ZNF358: variants seen among roughly 807,000 people sequenced by gnomAD.
ZNF358 encodes the protein zinc finger protein 358.
A neutral mutation model predicts 2.1 loss-of-function variants in ZNF358; 1 was observed. The observed-to-expected ratio is 0.49, with a 90% confidence interval of 0.17 to 2.30. The LOEUF (loss-of-function observed/expected upper bound fraction) is 2.30, where lower values mean the gene tolerates loss of function less well. ZNF358 is among the 30% of genes most tolerant of loss of function. The pLI, the probability that ZNF358 is intolerant of heterozygous loss-of-function variation, is 0.26. For synonymous variants in ZNF358, 381 were observed against 359.7 expected, an observed-to-expected ratio of 1.06 and a Z score of -0.67; for missense variants, 665 against 806.8, an observed-to-expected ratio of 0.82 and a Z score of 2.13.
chr19:7,518,789 G>A lies in ZNF358; in HGVS notation c.-38-416G>A, dbSNP rs553434547. 8.5e-5 allele frequency among the ~76,000 whole-genome samples: 13 copies of A among 152,110 alleles called. No individual in the cohort carries two copies. In the East Asian group the frequency reaches 2.5e-3, roughly 30 times the overall value. ...AATAAAAATAAAGAAGTGGGGCTGGGCGCGGTGGCTCACGCCTGTAATCCC... is the reference window on the plus strand; with the variant it reads ...AATAAAAATAAAGAAGTGGGGCTGGACGCGGTGGCTCACGCCTGTAATCCC... On this transcript the variant is annotated intron_variant, in intron 1 of 1. Coordinates refer to ENST00000597229, the MANE Select transcript of ZNF358 (RefSeq NM_018083.5).
rs116747999 is a variant in ZNF358 at position 7,516,486 on chromosome 19, C to T, written c.-39+237C>T. On this transcript the variant is annotated intron_variant, in intron 1 of 1. Transcript: ENST00000597229. The surrounding 1 kb of genome is among the most constrained non-coding windows in gnomAD (Gnocchi z 5.9). The stretch of plus-strand genomic sequence containing the variant: ...CCGCTGGGGCCCGGGGGGAAAGGGC[C>T]AGGAGGTTGGGAGCCTTCAATCGGG... Among the ~76,000 whole-genome samples, 2,373 of 151,518 alleles carry T rather than the reference C, an allele frequency of 0.016. 69 individuals carry two copies. Among genetic ancestry groups the T allele is most frequent in the African/African-American group, 0.055 (2,255 of 41,318 alleles).
chr19:7,517,482 T>C (rs1041755567), intron 1 of ZNF358, among the ~76,000 whole-genome samples: 21 of 152,098 alleles, frequency 1.4e-4, no homozygotes, highest in Admixed American at 2.6e-4. Context: ...CACCATACTT[T>C]GGGAGGCTGA....
In ZNF358 at chr19:7,520,393, T is replaced by C. The variant is rs2022447944; in HGVS notation, c.1151T>C (p.Phe384Ser). Residue 384 changes from phenylalanine (F) to serine (S), a missense_variant, in exon 2 of 2, where the codon TTC becomes TCC. Transcript: ENST00000597229. The surrounding 1 kb of genome is among the most constrained non-coding windows in gnomAD (Gnocchi z 6.0). ...PYRCQLCGKA[F>S]GQASSLTKHK... ...CGCTGTCAGCTCTGCGGGAAGGCCT[T>C]CGGCCAGGCCTCCAGCCTCACCAAG... 1 of 1,608,784 alleles carries C rather than the reference T, an allele frequency of 6.2e-7. No homozygotes were observed. The highest frequency in any genetic ancestry group is 1.7e-5 in the Admixed American group (1 of 59,766).
chr19:7,515,663 C>CAGAG (rs146799951), upstream of ZNF358, among the ~76,000 whole-genome samples: 3 of 151,404 alleles, frequency 2.0e-5, no homozygotes, highest in East Asian at 5.8e-4. Flanking sequence ...GAGGCAGAGA[C>CAGAG]AGAGAGAGAG....
At position 7,516,838 on chromosome 19, in the gene ZNF358, C is replaced by T. The variant is rs771543672; in HGVS notation, c.-39+589C>T. Among the ~76,000 whole-genome samples, 1 of 152,092 alleles carries T rather than the reference C, an allele frequency of 6.6e-6. No homozygotes were observed. Among genetic ancestry groups the T allele is most frequent in the South Asian group, 2.1e-4 (1 of 4,832 alleles). On this transcript the variant is annotated intron_variant, in intron 1 of 1. Coordinates refer to ENST00000597229, the MANE Select transcript of ZNF358 (RefSeq NM_018083.5). The surrounding 1 kb of genome is among the most constrained non-coding windows in gnomAD (Gnocchi z 5.9). The stretch of plus-strand genomic sequence containing the variant: ...AGGAAAGACTTAAGTGATTTCTCCT[C>T]CCACCTTCCAGTTAAGAGATGGGAA...
rs1033266340 is a variant in ZNF358 at position 7,516,894 on chromosome 19, T to C, written c.-39+645T>C. On this transcript the variant is annotated intron_variant, in intron 1 of 1. Transcript: ENST00000597229. This position sits in a 1 kb window ranked among gnomAD's most constrained non-coding sequence, Gnocchi z 5.9. ...GGGGCTCCTTCCCCTGGAGGCAATC[T>C]AAGGGTTCCTCTGCCCCTGATGCAG... 2.4e-4 allele frequency among the ~76,000 whole-genome samples: 37 copies of C among 152,088 alleles called. No individual in the cohort carries two copies. Among genetic ancestry groups the C allele is most frequent in the African/African-American group, 7.7e-4 (32 of 41,420 alleles).
chr19:7,518,137 G>C (rs1027995128), intron 1 of ZNF358, among the ~76,000 whole-genome samples: 7 of 152,204 alleles, frequency 4.6e-5, no homozygotes, highest in Non-Finnish European at 8.8e-5. Flanking sequence ...CAGAGCCATG[G>C]AGTTGGGGAC....
Position 7,520,539 on chromosome 19 carries a change from G to A in ZNF358, c.1297G>A (p.Gly433Arg), listed in dbSNP as rs2022459081. ...GLSPASMMRP[G>R]QVSLLGPDAV... is the part of the protein sequence containing the mutation. ...AAGCCCTGCATCCATGATGAGGCCG[G>A]GGCAGGTCTCCCTCCTGGGTCCTGA... The change falls in exon 2 of 2, where the codon GGG becomes AGG. Residue 433 changes from glycine (G) to arginine (R), a missense_variant. This residue lies in a region of ZNF358 where 249 missense variants were observed against 227.6 expected (regional missense o/e 1.09). Transcript: ENST00000597229. This position sits in a 1 kb window ranked among gnomAD's most constrained non-coding sequence, Gnocchi z 6.0. 7.9e-7 allele frequency: 1 copy of A among 1,258,562 alleles called. No homozygotes were observed. The highest frequency in any genetic ancestry group is 1.1e-6 in the Non-Finnish European group (1 of 880,872). The allele number at this position is 1,258,562 out of a possible 1,614,324, so 78.0% of individuals were successfully genotyped here. A position where few individuals can be genotyped will look rare whatever the true frequency, so the allele number is the denominator to read the frequency against.
At position 7,516,980 on chromosome 19, in the gene ZNF358, C is replaced by T. The variant is rs1215395220; in HGVS notation, c.-39+731C>T. On this transcript the variant is annotated intron_variant, in intron 1 of 1. Coordinates refer to ENST00000597229, the MANE Select transcript of ZNF358 (RefSeq NM_018083.5). This position sits in a 1 kb window ranked among gnomAD's most constrained non-coding sequence, Gnocchi z 5.9. ...CTATGGGGTCTGGGTTGAGGACCGC[C>T]GTCCAGGAACTCGGCTCTGTTTGCC... 6.6e-6 allele frequency among the ~76,000 whole-genome samples: 1 copy of T among 152,140 alleles called. No individual in the cohort carries two copies. Among genetic ancestry groups the T allele is most frequent in the Non-Finnish European group, 1.5e-5 (1 of 68,018 alleles).
intron 1 of ZNF358, among the ~76,000 whole-genome samples, chr19:7,518,557 G>GAGAGAGAGAGAAAGAAAGAA (rs556101041): frequency 3.4e-5 from 4 of 116,172 alleles, no homozygotes; most frequent in African/African-American, 1.5e-4. Flanking sequence ...GAGAGAGAGA[G>GAGAGAGAGAGAAAGAAAGAA]AGAAAGAAAG....
In ZNF358 at chr19:7,520,368, C is replaced by G. The variant is rs761933013; in HGVS notation, c.1126C>G (p.Arg376Gly). 3.1e-6 allele frequency: 5 copies of G among 1,612,306 alleles called. No homozygotes were observed. The highest frequency in any genetic ancestry group is 4.2e-6 in the Non-Finnish European group (5 of 1,179,608). The change falls in exon 2 of 2, where the codon CGC becomes GGC. Residue 376 changes from arginine (R) to glycine (G), a missense_variant. By Grantham distance (125) the Arg-to-Gly change is moderately radical. Transcript: ENST00000597229. This position sits in a 1 kb window ranked among gnomAD's most constrained non-coding sequence, Gnocchi z 6.0. ...CGTGCATTCGGGCGAGCGTCCCTAT[C>G]GCTGTCAGCTCTGCGGGAAGGCCTT... ...LHVHSGERPY[R>G]CQLCGKAFGQ...
chr19:7,520,862 T>A lies in ZNF358; in HGVS notation c.1620T>A (p.Thr540=), dbSNP rs1446473152. The change falls in exon 2 of 2, where the codon ACT becomes ACA. Residue 540 remains threonine (T), a synonymous_variant. Transcript: ENST00000597229. The surrounding 1 kb of genome is among the most constrained non-coding windows in gnomAD (Gnocchi z 6.0). The part of the protein sequence containing the change: ...PVSCPDPCSP[T]RGTVSPALPT... Reference sequence around the variant, plus strand: ...CCTGCCCTGACCCCTGTTCTCCCACTCGTGGCACTGTCAGCCCAGCCCTCC... The same window carrying A: ...CCTGCCCTGACCCCTGTTCTCCCACACGTGGCACTGTCAGCCCAGCCCTCC... 1 of 1,613,948 alleles carries A rather than the reference T, an allele frequency of 6.2e-7. No homozygotes were observed. Among genetic ancestry groups the A allele is most frequent in the South Asian group, 1.1e-5 (1 of 91,062 alleles).
chr19:7,519,501 C>A lies in ZNF358; in HGVS notation c.259C>A (p.Pro87Thr). 1 of 1,613,034 alleles carries A rather than the reference C, an allele frequency of 6.2e-7. No individual in the cohort carries two copies. Among genetic ancestry groups the A allele is most frequent in the Non-Finnish European group, 8.5e-7 (1 of 1,179,994 alleles). ...GGGCTCGGAACCCCAAGATCCCGACCCCATGTCTTCGAGTTTCGACCTCGA... is the reference window on the plus strand; with the variant it reads ...GGGCTCGGAACCCCAAGATCCCGACACCATGTCTTCGAGTTTCGACCTCGA... ...APGSEPQDPD[P>T]MSSSFDLDPD... The change falls in exon 2 of 2, where the codon CCC becomes ACC. Residue 87 changes from proline to threonine, a missense_variant. Coordinates refer to ENST00000597229, the MANE Select transcript of ZNF358 (RefSeq NM_018083.5).
At position 7,519,224 on chromosome 19, in the gene ZNF358, G is replaced by C; in HGVS notation, c.-19G>C. ...TTGCAGGTCTTGCCCCAGAAGCTGC[G>C]GGCACATCCACGCCTGAAATGCGGC... On this transcript the variant is annotated 5_prime_UTR_variant, in exon 2 of 2. Coordinates refer to ENST00000597229, the MANE Select transcript of ZNF358 (RefSeq NM_018083.5). The C allele has an allele frequency of 6.2e-7, 1 of 1,607,214 alleles. No homozygotes were observed. The highest frequency in any genetic ancestry group is 8.5e-7 in the Non-Finnish European group (1 of 1,176,640).
At chr19:7,518,052 G>C (rs749776354) in intron 1 of ZNF358, among the ~76,000 whole-genome samples, 18 of 152,324 alleles carry the variant, frequency 1.2e-4, no homozygotes, top group African/African-American at 4.3e-4. Flanking sequence ...GCCCAGCAAG[G>C]GGGTAGGAAG....
Position 7,516,556 on chromosome 19 carries a change from CGCCCCCTCCCTAGGAGGCGATCCAGG to C in ZNF358, c.-39+308_-39+333del, listed in dbSNP as rs1363363917. 6.6e-6 allele frequency among the ~76,000 whole-genome samples: 1 copy of C among 151,812 alleles called. No individual in the cohort carries two copies. Among genetic ancestry groups the C allele is most frequent in the Non-Finnish European group, 1.5e-5 (1 of 67,840 alleles). On this transcript the variant is annotated intron_variant, in intron 1 of 1. Coordinates refer to ENST00000597229, the MANE Select transcript of ZNF358 (RefSeq NM_018083.5). The surrounding 1 kb of genome is among the most constrained non-coding windows in gnomAD (Gnocchi z 5.9). ...CAGCTCTGGGGTCTGGAGCTCAGGA[CGCCCCCTCCCTAGGAGGCGATCCAGG>C]ACCCCCTCCCCTCCTGATTCGAGGT...
intron 1 of ZNF358, 116 bp from the exon 2 acceptor site, chr19:7,519,089 A>G (rs1023145147): frequency 9.2e-7 from 1 of 1,083,670 alleles, no homozygotes; most frequent in Non-Finnish European, 1.2e-6. Flanking sequence ...AAAAAAAAAG[A>G]AGTGGGTTCT....
In ZNF358 at chr19:7,519,518, C is replaced by T. The variant is rs751108492; in HGVS notation, c.276C>T (p.Phe92=). 20 of 1,610,970 alleles carry T rather than the reference C, an allele frequency of 1.2e-5. No individual in the cohort carries two copies. Among genetic ancestry groups the T allele is most frequent in the East Asian group, 6.7e-5 (3 of 44,870 alleles). The stretch of plus-strand genomic sequence containing the variant: ...ATCCCGACCCCATGTCTTCGAGTTT[C>T]GACCTCGATCCAGATGTGATTGGCC... ...PQDPDPMSSS[F]DLDPDVIGPV... Residue 92 remains phenylalanine (F), a synonymous_variant, in exon 2 of 2, where the codon TTC becomes TTT. Transcript: ENST00000597229.
chr19:7,520,698 C>A lies in ZNF358; in HGVS notation c.1456C>A (p.Pro486Thr), dbSNP rs2022467346. The A allele has an allele frequency of 1.2e-6, 2 of 1,613,748 alleles. No individual in the cohort carries two copies. The highest frequency in any genetic ancestry group is 3.3e-5 in the Admixed American group (2 of 60,002). The part of the protein sequence containing the change: ...SKPLPGSRST[P>T]SPTPVESSDP... The stretch of plus-strand genomic sequence containing the variant: ...ACCCCTCCCCGGCTCCAGATCCACC[C>A]CCAGCCCTACTCCTGTGGAATCTTC... The change falls in exon 2 of 2, where the codon CCC becomes ACC. Residue 486 changes from proline (P) to threonine (T), a missense_variant. Pro to Thr is a conservative substitution (Grantham distance 38, BLOSUM62 -1). Around this residue, in one of 3 missense-constraint regions of ZNF358, gnomAD observed 249 missense variants for 227.6 expected, o/e 1.09. Transcript: ENST00000597229. The surrounding 1 kb of genome is among the most constrained non-coding windows in gnomAD (Gnocchi z 6.0).
Sources: allele counts gnomAD v4.1 joint callset (sites outside exome capture counted in the v4.1 genomes callset), GRCh38; gene constraint gnomAD v4.1.1; regional missense constraint gnomAD v4.1.1; non-coding constraint Gnocchi (gnomAD v3.1); transcripts MANE v1.5; gene names NCBI Gene and HGNC (gene_info 2026-07-23, HGNC 2026-07-21).